RAC1: variants seen among roughly 807,000 people sequenced by gnomAD.
RAC1 encodes Rac family small GTPase 1.
Under a neutral mutation model 25.2 loss-of-function variants are expected in RAC1, and 2 were observed. The observed-to-expected ratio is 0.08, with a 90% CI of 0.03 to 0.25. The LOEUF (loss-of-function observed/expected upper bound fraction) is 0.25. RAC1 is among the 10% of genes least tolerant of loss of function. The pLI, the probability that RAC1 is intolerant of heterozygous loss-of-function variation, is 1.00. For synonymous variants in RAC1, 88 were observed against 94.0 expected, an observed-to-expected ratio of 0.94 and a Z score of 0.37; for missense variants, 50 against 235.7, an observed-to-expected ratio of 0.21 and a Z score of 5.16.
chr7:6,374,807 G>A, intron 1 of RAC1, 37 bp downstream of exon 1: 1 of 1,103,934 alleles, frequency 9.1e-7, no homozygotes, highest in Non-Finnish European at 1.1e-6. Flanking sequence ...GAGGCCGCGG[G>A]ATCGGGCGCG....
At chr7:6,384,728 C>T (rs867157353) in intron 1 of RAC1, among the ~76,000 whole-genome samples, 2 of 152,240 alleles carry the variant, frequency 1.3e-5, no homozygotes, top group Non-Finnish European at 2.9e-5. Flanking sequence ...CCTCAGGCCC[C>T]TGTGCTGGGA....
chr7:6,387,765 T>G (rs1652597509), intron 2 of RAC1, among the ~76,000 whole-genome samples: 1 of 151,944 alleles, frequency 6.6e-6, no homozygotes, highest in South Asian at 2.1e-4. Flanking sequence ...AATATAAACT[T>G]TTCACAACTT....
At chr7:6,397,727 C>G (rs1360721506) in intron 3 of RAC1, among the ~76,000 whole-genome samples, 1 of 152,156 alleles carries the variant, frequency 6.6e-6, no homozygotes, top group African/African-American at 2.4e-5. Context: ...GTGGCTCATG[C>G]CTGTAATCCC....
At chr7:6,398,580 TA>T in intron 3 of RAC1, 1 of 1,238,728 alleles carries the variant, frequency 8.1e-7, no homozygotes, top group Non-Finnish European at 1.2e-6. Context: ...AAAATTCTAA[TA>T]AAGAATCGAT....
intron 3 of RAC1, 40 bp downstream of exon 3, chr7:6,392,081 A>G (rs764970697): frequency 1.9e-6 from 3 of 1,611,458 alleles, no homozygotes; most frequent in Non-Finnish European, 2.5e-6. Flanking sequence ...CTTTTAGAGT[A>G]TATAATTCTC....
intron 1 of RAC1, among the ~76,000 whole-genome samples, chr7:6,386,999 C>CTAT (rs1377071464): frequency 1.3e-5 from 2 of 151,610 alleles, no homozygotes; most frequent in Non-Finnish European, 2.9e-5. Context: ...GCTCCTGACT[C>CTAT]TATCTTTCTG....
Position 6,384,726 on chromosome 7 carries a change from C to G in RAC1, c.36-2486C>G, listed in dbSNP as rs574813637. On this transcript the variant is annotated intron_variant, in intron 1 of 5. Coordinates refer to ENST00000348035, the MANE Select transcript of RAC1 (RefSeq NM_006908.5). ...GCTCAGCGATCCTCCCACCTCAGGC[C>G]CCTGTGCTGGGATTATAGCCTCCTG... 2.1e-3 allele frequency among the ~76,000 whole-genome samples: 315 copies of G among 150,968 alleles called. 2 individuals are homozygous for G. The highest frequency in any genetic ancestry group is 7.4e-3 in the African/African-American group (304 of 41,110).
At chr7:6,396,935 CAGGG>C (rs906506823) in intron 3 of RAC1, among the ~76,000 whole-genome samples, 11 of 151,006 alleles carry the variant, frequency 7.3e-5, no homozygotes, top group African/African-American at 2.7e-4. Context: ...GAGGCTGAGG[CAGGG>C]AGAATGGTGT....
chr7:6,401,175 C>T (rs937797354), intron 4 of RAC1, among the ~76,000 whole-genome samples: 5 of 152,114 alleles, frequency 3.3e-5, no homozygotes, highest in African/African-American at 7.2e-5. Flanking sequence ...AGGCTGGTCT[C>T]GAACCCCTGG....
intron 1 of RAC1, among the ~76,000 whole-genome samples, chr7:6,378,475 G>A (rs1266853250): frequency 6.6e-6 from 1 of 152,046 alleles, no homozygotes. Context: ...GAACCCGGAA[G>A]GCGGAAGTTG....
chr7:6,385,039 C>G (rs1386936679), intron 1 of RAC1, among the ~76,000 whole-genome samples: 3 of 151,670 alleles, frequency 2.0e-5, no homozygotes, highest in African/African-American at 7.3e-5. Flanking sequence ...CTCCTGGGCT[C>G]AAGCGATCCA....
intron 1 of RAC1, among the ~76,000 whole-genome samples, chr7:6,376,879 C>G (rs1255268625): frequency 1.3e-5 from 2 of 150,136 alleles, no homozygotes; most frequent in Non-Finnish European, 2.9e-5. Flanking sequence ...TTAATACTAA[C>G]CGATTGTGGA....
intron 3 of RAC1, among the ~76,000 whole-genome samples, chr7:6,393,750 A>G (rs1783153943): frequency 6.6e-6 from 1 of 152,184 alleles, no homozygotes; most frequent in Admixed American, 6.5e-5. Flanking sequence ...GAAAAGTCCC[A>G]TAAACTGTGT....
chr7:6,394,628 C>T (rs1344156283), intron 3 of RAC1, among the ~76,000 whole-genome samples: 2 of 152,100 alleles, frequency 1.3e-5, no homozygotes, highest in Non-Finnish European at 2.9e-5. Flanking sequence ...CAGCCAGGAC[C>T]CCAGTGCGTC....
rs992486547 is a variant in RAC1, at chr7:6,403,831, G to A, written c.*1385G>A. The A allele has an allele frequency of 3.6e-5, 8 of 220,926 alleles. No individual in the cohort carries two copies. The highest frequency in any genetic ancestry group is 3.6e-5 in the Non-Finnish European group (4 of 110,134). The allele number at this position is 220,926 out of a possible 1,614,324, so 13.7% of individuals were successfully genotyped here. On this transcript the variant is annotated 3_prime_UTR_variant, in exon 6 of 6. Coordinates refer to ENST00000348035, the MANE Select transcript of RAC1 (RefSeq NM_006908.5). ...CTTAACTCACTGGCGAGAATACAGC[G>A]TGGGACCCTTCAGCCACTACAACAG...
In RAC1 at chr7:6,387,336, C is replaced by A. The variant is rs553068874; in HGVS notation, c.107+53C>A. ...TGTTTGTGTTACGGGTTTCACATTTCTTTGACCATTTGTTTTGCTGTAAAG... is the reference window on the plus strand; with the variant it reads ...TGTTTGTGTTACGGGTTTCACATTTATTTGACCATTTGTTTTGCTGTAAAG... On this transcript the variant is annotated intron_variant, in intron 2 of 5. Coordinates refer to ENST00000348035, the MANE Select transcript of RAC1 (RefSeq NM_006908.5). 7 of 1,280,366 alleles carry A rather than the reference C, an allele frequency of 5.5e-6. No individual in the cohort carries two copies. The South Asian group carries it at 9.1e-5, about 17-fold the overall frequency. 79.3% of individuals were successfully genotyped at this position (1,280,366 alleles called of 1,614,324 possible). A position where few individuals can be genotyped will look rare whatever the true frequency, so the allele number is the denominator to read the frequency against.
chr7:6,398,974 TC>T lies in RAC1; in HGVS notation c.226-1150del, dbSNP rs1316870927. On this transcript the variant is annotated intron_variant, in intron 3 of 5. Coordinates refer to ENST00000348035, the MANE Select transcript of RAC1 (RefSeq NM_006908.5). ...GGAGGGGACAGTGAGAGGGCCCCTC[TC>T]CTGGCTGGTTGGAGATGCAGATATG... is the stretch of plus-strand genomic sequence containing the variant. Among the ~76,000 whole-genome samples the T allele has an allele frequency of 2.6e-5, 4 of 152,310 alleles. No homozygotes were observed. The South Asian group carries it at 8.3e-4, about 32-fold the overall frequency.
intron 3 of RAC1, among the ~76,000 whole-genome samples, chr7:6,396,013 G>T (rs1215239640): frequency 1.3e-5 from 2 of 152,230 alleles, no homozygotes; most frequent in African/African-American, 4.8e-5. Context: ...AGCAGCCCTG[G>T]CTACACTTAC....
At chr7:6,376,419 G>A (rs35222054) in intron 1 of RAC1, among the ~76,000 whole-genome samples, 3,119 of 151,424 alleles carry the variant, frequency 0.021, 50 homozygotes, top group Non-Finnish European at 0.031. Flanking sequence ...CCTGACCTCA[G>A]GTGATCCACC....
Sources: gnomAD v4.1 joint callset for allele counts (sites outside exome capture counted in the v4.1 genomes callset) on GRCh38, gnomAD v4.1.1 for gene constraint, MANE v1.5 for transcripts, NCBI Gene and HGNC (gene_info 2026-07-23, HGNC 2026-07-21) for gene names.